Variants in DEPDC5 observed in about 807,000 individuals in gnomAD.
DEPDC5 encodes DEP domain containing 5, GATOR1 subcomplex subunit, also known as GATOR1 complex protein DEPDC5.
A neutral mutation model predicts 217.3 loss-of-function variants in DEPDC5; 73 were observed. The observed-to-expected ratio is 0.34, with a 90% confidence interval of 0.28 to 0.41. The LOEUF (loss-of-function observed/expected upper bound fraction) is 0.41. Ranked by LOEUF, DEPDC5 falls within the 10% of genes least tolerant of loss-of-function variation. The pLI is 1.00. For synonymous variants in DEPDC5, 733 were observed against 756.7 expected, an observed-to-expected ratio of 0.97 and a Z score of 0.51; for missense variants, 1,675 against 2,070.1, an observed-to-expected ratio of 0.81 and a Z score of 3.70.
chr22:31,857,475 T>C lies in DEPDC5; in HGVS notation c.3186T>C (p.His1062=), dbSNP rs2092345923. The C allele has an allele frequency of 2.5e-6, 4 of 1,610,898 alleles. No homozygotes were observed. Among genetic ancestry groups the C allele is most frequent in the South Asian group, 1.1e-5 (1 of 90,100 alleles). Residue 1062 remains histidine (H), a synonymous_variant, in exon 32 of 43, where the codon CAT becomes CAC. Transcript: ENST00000651528. The part of the protein sequence containing the change: ...KCLGEQQAAV[H]GGKSSAQSAE... ...TGGGAGAACAGCAGGCAGCTGTGCATGGTGGGAAGAGCTCCGCCCAGTCAG... is the reference window on the plus strand; with the variant it reads ...TGGGAGAACAGCAGGCAGCTGTGCACGGTGGGAAGAGCTCCGCCCAGTCAG...
intron 8 of DEPDC5, among the ~76,000 whole-genome samples, chr22:31,779,246 C>T (rs2084181509): frequency 6.6e-6 from 1 of 152,140 alleles, no homozygotes. Flanking sequence ...TTGTAATTTC[C>T]TATTGTTTAC....
At chr22:31,879,931 T>C (rs1602681765) in intron 38 of DEPDC5, 179 bp downstream of exon 38, 1 of 629,348 alleles carries the variant, frequency 1.6e-6, no homozygotes, top group African/African-American at 1.8e-5. Context: ...TGCCGAGTGG[T>C]TTTATGACTG....
intron 4 of DEPDC5, among the ~76,000 whole-genome samples, chr22:31,762,924 C>T (rs2082516870): frequency 6.6e-6 from 1 of 152,066 alleles, no homozygotes; most frequent in Non-Finnish European, 1.5e-5. Flanking sequence ...AAGTGATTCT[C>T]CTGCCTCAGC....
chr22:31,758,498 GTACCTAATGAGT>G (rs756624990), intron 2 of DEPDC5, 36 bp from the exon 3 acceptor site: 1 of 1,536,872 alleles, frequency 6.5e-7, no homozygotes, highest in Admixed American at 1.7e-5. Context: ...AACATACAGT[GTACCTAATGAGT>G]GTTTTTCTAC....
At chr22:31,859,839 A>G (rs970604780) in intron 32 of DEPDC5, among the ~76,000 whole-genome samples, 3 of 152,202 alleles carry the variant, frequency 2.0e-5, no homozygotes, top group African/African-American at 7.2e-5. Flanking sequence ...TCTGCTGACC[A>G]TGAGTCTTTT....
chr22:31,786,366 G>A (rs970851755), intron 10 of DEPDC5, among the ~76,000 whole-genome samples: 2 of 134,552 alleles, frequency 1.5e-5, no homozygotes, highest in African/African-American at 5.7e-5. Context: ...ACCAGCCCCA[G>A]CAATATGGAA....
intron 34 of DEPDC5, among the ~76,000 whole-genome samples, chr22:31,871,642 A>G (rs902473940): frequency 6.6e-6 from 1 of 152,208 alleles, no homozygotes; most frequent in Non-Finnish European, 1.5e-5. Flanking sequence ...AGGCTGCCCA[A>G]TGCATAGAAA....
At chr22:31,767,357 G>A (rs1325406326) in intron 6 of DEPDC5, among the ~76,000 whole-genome samples, 1 of 151,898 alleles carries the variant, frequency 6.6e-6, no homozygotes. Context: ...GTGCAATGGC[G>A]TGATCTCGGC....
At chr22:31,799,548 T>A (rs143830066) in intron 14 of DEPDC5, among the ~76,000 whole-genome samples, 2,006 of 150,318 alleles carry the variant, frequency 0.013, 16 homozygotes, top group Middle Eastern at 0.028. Context: ...AGTGGTGCAA[T>A]CTTGACTCAC....
At chr22:31,891,862 C>A (rs756197717) in intron 38 of DEPDC5, among the ~76,000 whole-genome samples, 1 of 152,114 alleles carries the variant, frequency 6.6e-6, no homozygotes, top group East Asian at 1.9e-4. Context: ...TGCTTCTGAG[C>A]GTATTTTAGG....
chr22:31,836,655 A>AT (rs1301341607), intron 25 of DEPDC5, among the ~76,000 whole-genome samples: 1 of 152,024 alleles, frequency 6.6e-6, no homozygotes, highest in East Asian at 1.9e-4. Context: ...GTGCTTCGAC[A>AT]TGTAATTCTG....
At chr22:31,840,266 C>T (rs183588751) in intron 27 of DEPDC5, among the ~76,000 whole-genome samples, 11 of 152,076 alleles carry the variant, frequency 7.2e-5, no homozygotes, top group East Asian at 5.8e-4. Context: ...TTACCAGGAG[C>T]GGCAGGTTGG....
chr22:31,905,884 T>C (rs2093749273), intron 41 of DEPDC5, 100 bp from the exon 42 acceptor site: 2 of 1,038,394 alleles, frequency 1.9e-6, no homozygotes, highest in South Asian at 3.0e-5. Flanking sequence ...TCCAGATCTC[T>C]GTGTCTCAGG....
intron 38 of DEPDC5, among the ~76,000 whole-genome samples, chr22:31,889,541 C>CTTTT (rs136874): frequency 1.6e-4 from 16 of 99,566 alleles, no homozygotes; most frequent in African/African-American, 4.3e-4. Flanking sequence ...GGCAAAACTT[C>CTTTT]TTTTTTTTTT....
chr22:31,884,728 G>A, intron 38 of DEPDC5, among the ~76,000 whole-genome samples: 1 of 152,110 alleles, frequency 6.6e-6, no homozygotes, highest in Non-Finnish European at 1.5e-5. Context: ...CCTAGACCAT[G>A]TCTCCAATTT....
intron 39 of DEPDC5, among the ~76,000 whole-genome samples, chr22:31,896,963 A>G (rs146029831): frequency 0.014 from 2,198 of 152,254 alleles, 19 homozygotes; most frequent in South Asian, 0.025. Context: ...CTAAAAATAC[A>G]AAAATTAGTT....
chr22:31,840,083 G>GA (rs1262766444), intron 27 of DEPDC5, among the ~76,000 whole-genome samples: 2 of 152,182 alleles, frequency 1.3e-5, no homozygotes, highest in African/African-American at 4.8e-5. Flanking sequence ...CCCAGTCAGG[G>GA]AAAATAACAT....
chr22:31,796,202 G>A (rs746816971), intron 12 of DEPDC5, among the ~76,000 whole-genome samples: 6 of 149,628 alleles, frequency 4.0e-5, no homozygotes, highest in African/African-American at 4.9e-5. Flanking sequence ...CCAGGTTCAC[G>A]CCATTCTCCT....
At chr22:31,783,227 G>A (rs968839636) in intron 8 of DEPDC5, among the ~76,000 whole-genome samples, 1 of 152,198 alleles carries the variant, frequency 6.6e-6, no homozygotes, top group African/African-American at 2.4e-5. Flanking sequence ...ACCCCAGCCA[G>A]CAGCGGCAGC....
Sources: allele counts gnomAD v4.1 joint callset (sites outside exome capture counted in the v4.1 genomes callset), GRCh38; gene constraint gnomAD v4.1.1; transcripts MANE v1.5; gene names NCBI Gene and HGNC (gene_info 2026-07-23, HGNC 2026-07-21).